Variants in PDLIM5 observed in about 807,000 individuals in gnomAD.
PDLIM5 encodes PDZ and LIM domain 5, also known as PDZ and LIM domain protein 5.
A neutral mutation model predicts 64.2 loss-of-function variants in PDLIM5; 34 were observed. The ratio of observed to expected loss-of-function variants is 0.53; its 90% CI spans 0.40 to 0.71. The LOEUF (loss-of-function observed/expected upper bound fraction) is 0.71, where lower values mean the gene tolerates loss of function less well. Among genes scored for constraint, PDLIM5 ranks in the 30% least tolerant of loss-of-function variants. PDLIM5 has a pLI of 0.00. For missense variants in PDLIM5, 683 were observed against 733.6 expected, an observed-to-expected ratio of 0.93 and a Z score of 0.80; for synonymous variants, 253 against 269.1, an observed-to-expected ratio of 0.94 and a Z score of 0.59.
chr4:94,508,488 A>T (rs1728589273), intron 2 of PDLIM5, among the ~76,000 whole-genome samples: 1 of 152,194 alleles, frequency 6.6e-6, no homozygotes, highest in Non-Finnish European at 1.5e-5. Flanking sequence ...GAAAGGCTAC[A>T]GCTGTATAAA....
chr4:94,485,423 TC>T (rs1315243545), intron 2 of PDLIM5, among the ~76,000 whole-genome samples: 3 of 152,204 alleles, frequency 2.0e-5, no homozygotes, highest in Non-Finnish European at 4.4e-5. Context: ...ATATGATTAG[TC>T]TATAAATGAA....
intron 2 of PDLIM5, among the ~76,000 whole-genome samples, chr4:94,508,309 A>C (rs1728570128): frequency 6.6e-6 from 1 of 152,124 alleles, no homozygotes; most frequent in Non-Finnish European, 1.5e-5. Flanking sequence ...AGGCTGGCTT[A>C]TTGGGCAAAA....
At position 94,640,468 on chromosome 4, in the gene PDLIM5, A is replaced by G. The variant is rs1445632494; in HGVS notation, c.1283+18A>G. The G allele has an allele frequency of 1.4e-6, 2 of 1,452,762 alleles. No individual in the cohort carries two copies. The highest frequency in any genetic ancestry group is 2.9e-5 in the South Asian group (2 of 70,006). The allele number at this position is 1,452,762 out of a possible 1,614,324, so 90.0% of individuals were successfully genotyped here. A position where few individuals can be genotyped will look rare whatever the true frequency, so the allele number is the denominator to read the frequency against. Reference sequence around the variant, plus strand: ...GTCATCAGGTTGGTTGTTTTTTGAAATTTTCTTGAAAGTACTTAATATCAA... The same window carrying G: ...GTCATCAGGTTGGTTGTTTTTTGAAGTTTTCTTGAAAGTACTTAATATCAA... On this transcript the variant is annotated intron_variant, in intron 9 of 12. Coordinates refer to ENST00000317968, the MANE Select transcript of PDLIM5 (RefSeq NM_006457.5).
chr4:94,575,249 G>A (rs1331855232), intron 4 of PDLIM5, among the ~76,000 whole-genome samples: 9 of 151,984 alleles, frequency 5.9e-5, no homozygotes, highest in Admixed American at 5.9e-4. Flanking sequence ...ACCTCAGTTA[G>A]CAATGTTTTG....
chr4:94,470,583 T>C (rs543507793), intron 2 of PDLIM5, among the ~76,000 whole-genome samples: 6 of 152,344 alleles, frequency 3.9e-5, no homozygotes, highest in Admixed American at 3.3e-4. Flanking sequence ...GACCCTTTTA[T>C]TATTTCTAGT....
At chr4:94,531,939 G>A (rs562768524) in intron 3 of PDLIM5, among the ~76,000 whole-genome samples, 2 of 151,840 alleles carry the variant, frequency 1.3e-5, no homozygotes, top group African/African-American at 2.4e-5. Flanking sequence ...AAGGAAAAAG[G>A]GGGGGAAAGC....
chr4:94,604,710 A>G (rs1560734993), intron 7 of PDLIM5, among the ~76,000 whole-genome samples: 3 of 152,098 alleles, frequency 2.0e-5, no homozygotes, highest in Admixed American at 6.5e-5. Context: ...GGGGAGGGGG[A>G]AGGGGTAGTT....
chr4:94,465,999 T>C (rs1421337883), intron 2 of PDLIM5, among the ~76,000 whole-genome samples: 1 of 152,036 alleles, frequency 6.6e-6, no homozygotes, highest in African/African-American at 2.4e-5. Flanking sequence ...TCTTGCTCTG[T>C]GGCATGGGCT....
At chr4:94,508,732 G>A (rs1188437104) in intron 2 of PDLIM5, among the ~76,000 whole-genome samples, 1 of 152,196 alleles carries the variant, frequency 6.6e-6, no homozygotes, top group Admixed American at 6.5e-5. Flanking sequence ...TGTAAACTTA[G>A]ATTGTTCAGA....
At chr4:94,608,102 C>T (rs1304615304) in intron 7 of PDLIM5, 2 of 1,531,710 alleles carry the variant, frequency 1.3e-6, no homozygotes, top group Non-Finnish European at 1.7e-6. Context: ...TGGACCTCAC[C>T]CTCCTGCAAC....
intron 7 of PDLIM5, among the ~76,000 whole-genome samples, chr4:94,606,442 C>T (rs777168327): frequency 1.3e-5 from 2 of 151,902 alleles, no homozygotes; most frequent in Admixed American, 6.6e-5. Flanking sequence ...TGTGGTAGAA[C>T]GAGGGCTGAG....
At chr4:94,629,456 C>T (rs1448996509) in intron 8 of PDLIM5, among the ~76,000 whole-genome samples, 1 of 152,068 alleles carries the variant, frequency 6.6e-6, no homozygotes, top group African/African-American at 2.4e-5. Context: ...CTTCAGGGTA[C>T]ATACTGGGTT....
intron 7 of PDLIM5, among the ~76,000 whole-genome samples, chr4:94,602,145 A>G (rs956606671): frequency 2.6e-5 from 4 of 152,178 alleles, no homozygotes; most frequent in East Asian, 1.9e-4. Context: ...AATAAAACGT[A>G]TATTTCAAGG....
At chr4:94,474,227 A>G (rs1725124085) in intron 2 of PDLIM5, among the ~76,000 whole-genome samples, 2 of 152,088 alleles carry the variant, frequency 1.3e-5, no homozygotes, top group African/African-American at 4.8e-5. Flanking sequence ...TCATTAAAAC[A>G]TTTCATTTAC....
intron 3 of PDLIM5, among the ~76,000 whole-genome samples, chr4:94,545,170 AT>A (rs1386503035): frequency 3.3e-5 from 5 of 152,198 alleles, no homozygotes; most frequent in Non-Finnish European, 7.4e-5. Flanking sequence ...GCATATAAAT[AT>A]TTTTAAAAAT....
chr4:94,640,488 T>C (rs1231400723), intron 9 of PDLIM5, 38 bp downstream of exon 9: 3 of 1,268,588 alleles, frequency 2.4e-6, no homozygotes, highest in Non-Finnish European at 3.3e-6. Context: ...AAGTACTTAA[T>C]ATCAATGTTG....
rs547532462 is a variant in PDLIM5 at position 94,456,350 on chromosome 4, C to T, written c.96+966C>T. ...AGTAGCTGGGATTACAGGCATGTGCCACCACGCCTGGCTAATTTTGTATTT... is the reference window on the plus strand; with the variant it reads ...AGTAGCTGGGATTACAGGCATGTGCTACCACGCCTGGCTAATTTTGTATTT... On this transcript the variant is annotated intron_variant, in intron 2 of 12. Coordinates refer to ENST00000317968, the MANE Select transcript of PDLIM5 (RefSeq NM_006457.5). The T allele has an allele frequency of 1.1e-3, 675 of 602,116 alleles. 2 individuals carry two copies. The highest frequency in any genetic ancestry group is 1.7e-3 in the Non-Finnish European group (576 of 336,010). The allele number at this position is 602,116 out of a possible 1,614,324, so 37.3% of individuals were successfully genotyped here. A position where few individuals can be genotyped will look rare whatever the true frequency, so the allele number is the denominator to read the frequency against.
intron 3 of PDLIM5, among the ~76,000 whole-genome samples, chr4:94,526,734 C>CT (rs33968218): frequency 0.16 from 23,776 of 147,144 alleles, 2,128 homozygotes; most frequent in Non-Finnish European, 0.19. Flanking sequence ...GCATTTCTTT[C>CT]TTTCTTTTTT....
chr4:94,640,962 C>G (rs1275964754), intron 9 of PDLIM5, among the ~76,000 whole-genome samples: 1 of 152,158 alleles, frequency 6.6e-6, no homozygotes, highest in Non-Finnish European at 1.5e-5. Flanking sequence ...ACGTAATGAC[C>G]TGCTTCTTTA....
Sources: allele counts gnomAD v4.1 joint callset (sites outside exome capture counted in the v4.1 genomes callset), GRCh38; gene constraint gnomAD v4.1.1; transcripts MANE v1.5; gene names NCBI Gene and HGNC (gene_info 2026-07-23, HGNC 2026-07-21).